Variants in PCED1B observed in about 807,000 individuals in gnomAD.
PCED1B encodes the protein PC-esterase domain-containing protein 1B.
For missense variants in PCED1B, 573 were observed against 573.9 expected, an observed-to-expected ratio of 1.00 and a Z score of 0.02; for synonymous variants, 251 against 246.1, an observed-to-expected ratio of 1.02 and a Z score of -0.19.
chr12:47,136,487 C>T (rs1848968472), intron 2 of PCED1B, among the ~76,000 whole-genome samples: 1 of 152,138 alleles, frequency 6.6e-6, no homozygotes. Flanking sequence ...GCATGATGTA[C>T]CCAAGGGAAA....
At chr12:47,108,798 C>T (rs1939069323) in intron 2 of PCED1B, among the ~76,000 whole-genome samples, 1 of 152,200 alleles carries the variant, frequency 6.6e-6, no homozygotes, top group Non-Finnish European at 1.5e-5. Flanking sequence ...GGCATGGCAG[C>T]TCACACCTGT....
chr12:47,176,655 T>C (rs1941934501), intron 2 of PCED1B, among the ~76,000 whole-genome samples: 1 of 152,236 alleles, frequency 6.6e-6, no homozygotes, highest in East Asian at 1.9e-4. Flanking sequence ...GCCATTCTAG[T>C]AAATTATCGA....
rs146872990 is a variant in PCED1B, at chr12:47,235,216, G to C, written c.153G>C (p.Arg51Ser). 6.2e-6 allele frequency: 10 copies of C among 1,609,078 alleles called. No individual in the cohort carries two copies. The highest frequency in any genetic ancestry group is 1.7e-5 in the Admixed American group (1 of 59,808). Residue 51 changes from arginine to serine, a missense_variant, in exon 4 of 4, where the codon AGG becomes AGC. Physicochemically the swap from Arg to Ser is moderately radical, Grantham distance 110. Transcript: ENST00000546455. ...RLLTPGQLRA[R>S]GELNFEQDEL... Reference sequence around the variant, plus strand: ...TCACTCCCGGGCAGCTTAGAGCAAGGGGGGAGCTGAACTTCGAACAAGATG... The same window carrying C: ...TCACTCCCGGGCAGCTTAGAGCAAGCGGGGAGCTGAACTTCGAACAAGATG...
intron 2 of PCED1B, among the ~76,000 whole-genome samples, chr12:47,185,441 A>C (rs1390265906): frequency 6.6e-6 from 1 of 152,322 alleles, no homozygotes; most frequent in East Asian, 1.9e-4. Context: ...GGAGAGGAAA[A>C]TAATTACCTT....
intron 2 of PCED1B, among the ~76,000 whole-genome samples, chr12:47,200,837 TAAAC>T (rs1942742240): frequency 6.6e-6 from 1 of 152,222 alleles, no homozygotes; most frequent in African/African-American, 2.4e-5. Flanking sequence ...TAATGAGACT[TAAAC>T]AATAACAGAC....
chr12:47,174,390 T>C (rs1339771255), intron 2 of PCED1B, among the ~76,000 whole-genome samples: 1 of 146,434 alleles, frequency 6.8e-6, no homozygotes, highest in Non-Finnish European at 1.5e-5. Flanking sequence ...GCCTAGGCTA[T>C]AGAGTGAGAC....
At chr12:47,171,101 C>G (rs1274964058) in intron 2 of PCED1B, among the ~76,000 whole-genome samples, 1 of 115,682 alleles carries the variant, frequency 8.6e-6, no homozygotes, top group South Asian at 2.8e-4. Context: ...GAGTTTTGCT[C>G]TTATTGCCCA....
intron 1 of PCED1B, among the ~76,000 whole-genome samples, chr12:47,095,701 C>G (rs1193893559): frequency 6.6e-6 from 1 of 152,160 alleles, no homozygotes; most frequent in East Asian, 1.9e-4. Flanking sequence ...GTAAACTTAT[C>G]CATTTGAATT....
chr12:47,155,590 C>A (rs1478180514), intron 2 of PCED1B, among the ~76,000 whole-genome samples: 1 of 152,142 alleles, frequency 6.6e-6, no homozygotes, highest in African/African-American at 2.4e-5. Context: ...TATTTCCAAT[C>A]CTTTCAACTA....
chr12:47,233,060 G>C (rs1943858639), intron 3 of PCED1B, among the ~76,000 whole-genome samples: 1 of 151,920 alleles, frequency 6.6e-6, no homozygotes, highest in Non-Finnish European at 1.5e-5. Context: ...CCTCAGTCGT[G>C]CGCCACCATG....
chr12:47,180,955 G>A (rs1780175519), intron 2 of PCED1B, among the ~76,000 whole-genome samples: 2 of 151,374 alleles, frequency 1.3e-5, no homozygotes, highest in Admixed American at 1.3e-4. Flanking sequence ...AGGGAGTTAG[G>A]TTCTGGTTAG....
At chr12:47,206,463 T>A (rs1942914207) in intron 2 of PCED1B, 1 of 152,260 alleles carries the variant, frequency 6.6e-6, no homozygotes, top group South Asian at 2.1e-4. Flanking sequence ...TCAGTCATAA[T>A]TTTGCAAAGG....
At chr12:47,137,348 C>A (rs887208332) in intron 2 of PCED1B, among the ~76,000 whole-genome samples, 11 of 152,242 alleles carry the variant, frequency 7.2e-5, no homozygotes, top group Admixed American at 2.6e-4. Flanking sequence ...GAATCATCAA[C>A]AAATCCAAGG....
chr12:47,210,216 T>TA (rs1164398286), intron 2 of PCED1B: 2 of 152,242 alleles, frequency 1.3e-5, no homozygotes, highest in African/African-American at 2.4e-5. Flanking sequence ...TCATGTATTT[T>TA]AAAACTATGC....
chr12:47,123,755 C>T (rs958694975), intron 2 of PCED1B, among the ~76,000 whole-genome samples: 3 of 151,988 alleles, frequency 2.0e-5, no homozygotes, highest in African/African-American at 7.2e-5. Flanking sequence ...CTTTTTGTAT[C>T]TATTATACTT....
At chr12:47,233,622 G>A (rs1943879897) in intron 3 of PCED1B, among the ~76,000 whole-genome samples, 1 of 152,214 alleles carries the variant, frequency 6.6e-6, no homozygotes, top group East Asian at 1.9e-4. Context: ...CCCTGTCTTC[G>A]GTGAAAAGGA....
At chr12:47,184,171 A>G (rs946366060) in intron 2 of PCED1B, among the ~76,000 whole-genome samples, 12 of 152,148 alleles carry the variant, frequency 7.9e-5, no homozygotes, top group Non-Finnish European at 1.8e-4. Flanking sequence ...CAGGCCAAGA[A>G]TATTTTCCAT....
In PCED1B at chr12:47,233,425, G is replaced by A. The variant is rs137969811; in HGVS notation, c.-57-1582G>A. ...AGTGCTGGGATTACAGGCGTGAGCC[G>A]CCACAATTTTTAAATTAATATTTGC... On this transcript the variant is annotated intron_variant, in intron 3 of 3. Coordinates refer to ENST00000546455, the MANE Select transcript of PCED1B (RefSeq NM_138371.3). Among the ~76,000 whole-genome samples the A allele has an allele frequency of 3.4e-3, 521 of 152,286 alleles. 1 individual carries two copies. Among genetic ancestry groups the A allele is most frequent in the East Asian group, 7.0e-3 (36 of 5,168 alleles).
At chr12:47,126,838 A>G (rs2137332256) in intron 2 of PCED1B, among the ~76,000 whole-genome samples, 1 of 152,274 alleles carries the variant, frequency 6.6e-6, no homozygotes, top group African/African-American at 2.4e-5. Flanking sequence ...TTGAGTCCAT[A>G]GTGCTGTTAG....
Sources: allele counts gnomAD v4.1 joint callset (sites outside exome capture counted in the v4.1 genomes callset), GRCh38; gene constraint gnomAD v4.1.1; transcripts MANE v1.5; gene names NCBI Gene and HGNC (gene_info 2026-07-23, HGNC 2026-07-21).